STK3: variants seen among roughly 807,000 people sequenced by gnomAD.
The protein encoded by STK3 is serine/threonine-protein kinase 3.
STK3 carries 41 observed loss-of-function variants against 58.0 expected under a neutral mutation model. The ratio of observed to expected loss-of-function variants is 0.71; its 90% CI spans 0.55 to 0.92. The LOEUF is 0.92. Among genes scored for constraint, STK3 ranks in the 40% least tolerant of loss-of-function variants. The pLI is 0.00. For missense variants in STK3, 479 were observed against 602.7 expected, an observed-to-expected ratio of 0.79 and a Z score of 2.15; for synonymous variants, 170 against 191.0, an observed-to-expected ratio of 0.89 and a Z score of 0.91.
At chr8:98,611,491 C>T (rs1047432214) in intron 6 of STK3, among the ~76,000 whole-genome samples, 3 of 152,130 alleles carry the variant, frequency 2.0e-5, no homozygotes, top group African/African-American at 7.2e-5. Flanking sequence ...CATTTTCGTG[C>T]CTAGGGAAAA....
At chr8:98,684,248 C>CTT (rs1823827125) in intron 6 of STK3, among the ~76,000 whole-genome samples, 2 of 152,112 alleles carry the variant, frequency 1.3e-5, no homozygotes, top group Non-Finnish European at 2.9e-5. Context: ...TCTCAGCAGC[C>CTT]ATAAGCAAGA....
rs1042548938 is a variant in STK3, at chr8:98,614,010, A to G, written c.685-17841T>C. On this transcript the variant is annotated intron_variant, in intron 6 of 10. Coordinates refer to ENST00000419617, the MANE Select transcript of STK3 (RefSeq NM_006281.4). ...AAGAAAATATAACAAGCACTAATGT[A>G]TATGTACCAACCAACAAGCTATAAA... Among the ~76,000 whole-genome samples, 5 of 152,236 alleles carry G rather than the reference A, an allele frequency of 3.3e-5. No homozygotes were observed. In the East Asian group the frequency reaches 9.6e-4, roughly 29 times the overall value.
At chr8:98,497,798 G>C (rs1823253988) in intron 10 of STK3, among the ~76,000 whole-genome samples, 1 of 152,132 alleles carries the variant, frequency 6.6e-6, no homozygotes, top group Admixed American at 6.5e-5. Flanking sequence ...ACAATAGCAA[G>C]TGTTGCGAGG....
intron 6 of STK3, among the ~76,000 whole-genome samples, chr8:98,624,135 T>C (rs562427474): frequency 1.9e-4 from 29 of 152,250 alleles, no homozygotes; most frequent in African/African-American, 5.8e-4. Context: ...GTGGTAGGCG[T>C]AGGGGAACAT....
intron 1 of STK3, among the ~76,000 whole-genome samples, chr8:98,806,288 C>A (rs7818030): frequency 2.0e-5 from 3 of 151,956 alleles, no homozygotes; most frequent in Non-Finnish European, 2.9e-5. Flanking sequence ...TTAAAACATG[C>A]CTTTATGGGA....
rs929756403 is a variant in STK3, at chr8:98,854,285, C to T, written c.110+29362G>A. 2.3e-4 allele frequency among the ~76,000 whole-genome samples: 35 copies of T among 151,916 alleles called. 1 individual carries two copies. The highest frequency in any genetic ancestry group is 5.9e-5 in the Non-Finnish European group (4 of 67,974). On this transcript the variant is annotated intron_variant, in intron 3 of 12. Coordinates refer to the STK3 transcript ENST00000523601. ...TCCTAAGTAGCTGGGATTACAGGTGCCCACCACAATGTCCAGCTAATTTTT... is the reference window on the plus strand; with the variant it reads ...TCCTAAGTAGCTGGGATTACAGGTGTCCACCACAATGTCCAGCTAATTTTT...
chr8:98,589,070 G>A (rs1005764351), intron 7 of STK3, among the ~76,000 whole-genome samples: 1 of 151,944 alleles, frequency 6.6e-6, no homozygotes, highest in Non-Finnish European at 1.5e-5. Context: ...AGAGTAATTT[G>A]ATCGTCTGAA....
chr8:98,792,896 A>ATGTGTGTGTGTGTGTGTGTG (rs34465301), intron 1 of STK3, among the ~76,000 whole-genome samples: 12 of 145,666 alleles, frequency 8.2e-5, no homozygotes, highest in African/African-American at 2.8e-4. Context: ...AAGAGACTGT[A>ATGTGTGTGTGTGTGTGTGTG]TGTGTGTGTG....
chr8:98,709,277 A>G (rs1361765243), intron 4 of STK3, among the ~76,000 whole-genome samples: 1 of 152,196 alleles, frequency 6.6e-6, no homozygotes, highest in East Asian at 1.9e-4. Flanking sequence ...TTGACATTCA[A>G]GAAGGCCCAA....
chr8:98,370,658 G>A (rs1218628292), downstream of STK3, among the ~76,000 whole-genome samples: 1 of 152,072 alleles, frequency 6.6e-6, no homozygotes, highest in Non-Finnish European at 1.5e-5. Context: ...GGACTCAGGG[G>A]CCCACATCAT....
chr8:98,543,784 A>G (rs1416080576), intron 9 of STK3, among the ~76,000 whole-genome samples: 1 of 152,136 alleles, frequency 6.6e-6, no homozygotes, highest in African/African-American at 2.4e-5. Flanking sequence ...GCCTCCAGGA[A>G]AGTTGAGGGC....
chr8:98,851,578 C>A (rs144397284), intron 3 of STK3, among the ~76,000 whole-genome samples: 2 of 152,126 alleles, frequency 1.3e-5, no homozygotes, highest in Admixed American at 1.3e-4. Context: ...CGGAAAAATC[C>A]ATTTTTAGAG....
the STK3 span, among the ~76,000 whole-genome samples, chr8:98,363,009 C>A: frequency 2.0e-5 from 3 of 152,232 alleles, no homozygotes; most frequent in Admixed American, 2.0e-4. Flanking sequence ...CACACACACT[C>A]ATACCATGTT....
In STK3 at chr8:98,648,124, C is replaced by T. The variant is rs1190029706; in HGVS notation, c.685-51955G>A. ...AATGACAACCTAATATGTATCACTC[C>T]ATACCTTCTTCTCCATCCTTAAATA... On this transcript the variant is annotated intron_variant, in intron 6 of 10. Coordinates refer to ENST00000419617, the MANE Select transcript of STK3 (RefSeq NM_006281.4). Among the ~76,000 whole-genome samples the T allele has an allele frequency of 1.3e-5, 2 of 152,162 alleles. 1 individual carries two copies. The highest frequency in any genetic ancestry group is 4.1e-4 in the South Asian group (2 of 4,834).
At chr8:98,483,036 G>C (rs1457938062) in intron 10 of STK3, among the ~76,000 whole-genome samples, 1 of 152,120 alleles carries the variant, frequency 6.6e-6, no homozygotes, top group African/African-American at 2.4e-5. Context: ...TAAAGGAATA[G>C]ACAGATAAGG....
intron 4 of STK3, among the ~76,000 whole-genome samples, chr8:98,730,116 G>A (rs1387172837): frequency 1.3e-5 from 2 of 152,196 alleles, no homozygotes; most frequent in Non-Finnish European, 2.9e-5. Context: ...TGTCACTGGA[G>A]TTGAGAACCA....
intron 8 of STK3, among the ~76,000 whole-genome samples, chr8:98,576,994 A>G (rs1813455233): frequency 6.6e-6 from 1 of 152,204 alleles, no homozygotes; most frequent in Non-Finnish European, 1.5e-5. Flanking sequence ...TGAGCTAGAA[A>G]ATAAAGGATA....
chr8:98,443,933 G>A (rs1283003672), intron 1 of STK3, among the ~76,000 whole-genome samples: 4 of 152,116 alleles, frequency 2.6e-5, no homozygotes, highest in East Asian at 3.8e-4. Flanking sequence ...AAATAAATAA[G>A]TAAATAAATA....
intron 3 of STK3, among the ~76,000 whole-genome samples, chr8:98,871,325 G>A (rs1451904098): frequency 4.0e-5 from 6 of 151,700 alleles, no homozygotes; most frequent in African/African-American, 4.8e-5. Flanking sequence ...TTGGCAATGC[G>A]GGCTCTTTTT....
Sources: allele counts gnomAD v4.1 joint callset (sites outside exome capture counted in the v4.1 genomes callset), GRCh38; gene constraint gnomAD v4.1.1; transcripts MANE v1.5; gene names NCBI Gene and HGNC (gene_info 2026-07-23, HGNC 2026-07-21).